The following DAAM1 variants were observed in gnomAD, a reference collection of about 807,000 sequenced individuals.
DAAM1 encodes disheveled-associated activator of morphogenesis 1.
A neutral mutation model predicts 130.0 loss-of-function variants in DAAM1; 52 were observed. That is an observed-to-expected ratio of 0.40 (90% CI 0.32 to 0.50). DAAM1 has a LOEUF of 0.50. DAAM1 is among the 20% of genes least tolerant of loss of function. The pLI is 0.61. For synonymous variants in DAAM1, 452 were observed against 444.5 expected (o/e 1.02, Z -0.21); for missense variants, 1,134 against 1,303.8 (o/e 0.87, Z 2.01).
intron 2 of DAAM1, among the ~76,000 whole-genome samples, chr14:59,282,191 A>G (rs1883252025): frequency 6.6e-6 from 1 of 151,948 alleles, no homozygotes; most frequent in African/African-American, 2.4e-5. Flanking sequence ...TCATAATGGA[A>G]TTTTCCGTAA....
intron 1 of DAAM1, among the ~76,000 whole-genome samples, chr14:59,231,285 A>G (rs1234757639): frequency 6.6e-6 from 1 of 152,202 alleles, no homozygotes; most frequent in Non-Finnish European, 1.5e-5. Context: ...AACATCTTAT[A>G]TTTCCCCACC....
At chr14:59,326,139 C>A in intron 10 of DAAM1, 62 bp downstream of exon 10, 1 of 1,483,396 alleles carries the variant, frequency 6.7e-7, no homozygotes. Flanking sequence ...CTAATGGGTT[C>A]TGGCTCCTGC....
At chr14:59,210,239 A>G (rs1229601855) in intron 1 of DAAM1, among the ~76,000 whole-genome samples, 3 of 152,224 alleles carry the variant, frequency 2.0e-5, no homozygotes, top group Non-Finnish European at 2.9e-5. Context: ...AGCATTTTTC[A>G]CTTCACCATT....
intron 2 of DAAM1, 106 bp from the exon 3 acceptor site, chr14:59,291,111 T>C (rs938432421): frequency 1.4e-5 from 12 of 858,260 alleles, no homozygotes; most frequent in Non-Finnish European, 2.1e-5. Flanking sequence ...TTCATTTAAA[T>C]ATGTGTTTGT....
At chr14:59,218,649 T>G (rs1225835223) in intron 1 of DAAM1, among the ~76,000 whole-genome samples, 3 of 152,208 alleles carry the variant, frequency 2.0e-5, no homozygotes, top group Non-Finnish European at 4.4e-5. Context: ...AAGATTAGAT[T>G]ATCACTATTA....
chr14:59,328,171 T>C (rs934514046), intron 12 of DAAM1, among the ~76,000 whole-genome samples: 2 of 152,214 alleles, frequency 1.3e-5, no homozygotes, highest in African/African-American at 4.8e-5. Context: ...ACATTTCCAC[T>C]GAGCAGAAAA....
chr14:59,280,306 A>G (rs1408975708), intron 2 of DAAM1, among the ~76,000 whole-genome samples: 5 of 152,156 alleles, frequency 3.3e-5, no homozygotes, highest in Admixed American at 1.3e-4. Flanking sequence ...GCCATGGCCC[A>G]TGCCTGTAAT....
chr14:59,248,306 ATGTTTTGTTTTGTTT>A (rs6145363), intron 1 of DAAM1, among the ~76,000 whole-genome samples: 28,849 of 150,236 alleles, frequency 0.19, 3,289 homozygotes, highest in Non-Finnish European at 0.25. Context: ...CTGTGGAATG[ATGTTTTGTTTTGTTT>A]TGTTTTGTTT....
At chr14:59,327,718 A>G (rs1885269412) in intron 12 of DAAM1, among the ~76,000 whole-genome samples, 1 of 152,088 alleles carries the variant, frequency 6.6e-6, no homozygotes, top group Non-Finnish European at 1.5e-5. Flanking sequence ...ACTTGGTTTC[A>G]ATAACCCAAT....
chr14:59,332,496 C>T (rs548212947), intron 15 of DAAM1, among the ~76,000 whole-genome samples: 2 of 152,180 alleles, frequency 1.3e-5, no homozygotes, highest in Non-Finnish European at 2.9e-5. Context: ...GCAAATAGGA[C>T]CAGAGACGCT....
intron 17 of DAAM1, among the ~76,000 whole-genome samples, chr14:59,349,083 T>C (rs1421341897): frequency 6.6e-6 from 1 of 152,268 alleles, no homozygotes; most frequent in Non-Finnish European, 1.5e-5. Context: ...CCTCCCTTGC[T>C]GTAGACCAGT....
chr14:59,331,854 A>G lies in DAAM1; in HGVS notation c.1902A>G (p.Thr634=), dbSNP rs774562764. Residue 634 remains threonine (T), a synonymous_variant, in exon 15 of 25, where the codon ACA becomes ACG. Transcript: ENST00000360909. Reference sequence around the variant, plus strand: ...CAGTATGGACCGAAATTGATGATACAAAAGTCTTCAAAATTCTAGATCTTG... The same window carrying G: ...CAGTATGGACCGAAATTGATGATACGAAAGTCTTCAAAATTCTAGATCTTG... ...EGTVWTEIDD[T]KVFKILDLED... is the part of the protein sequence containing the mutation. 5.6e-6 allele frequency: 9 copies of G among 1,614,208 alleles called. 1 individual carries two copies. In the South Asian group the frequency reaches 9.9e-5, roughly 18 times the overall value.
chr14:59,225,031 T>TG (rs1380865584), intron 1 of DAAM1, among the ~76,000 whole-genome samples: 9 of 140,398 alleles, frequency 6.4e-5, no homozygotes, highest in African/African-American at 2.2e-4. Flanking sequence ...TTTTTTTTTT[T>TG]TTTTTTTTTT....
chr14:59,350,824 C>T (rs536355908), intron 17 of DAAM1, among the ~76,000 whole-genome samples: 4 of 152,210 alleles, frequency 2.6e-5, no homozygotes, highest in Non-Finnish European at 4.4e-5. Context: ...CTTGTCCTGG[C>T]GCCTTGAATG....
chr14:59,325,149 A>G (rs1016401198), intron 8 of DAAM1, among the ~76,000 whole-genome samples: 2 of 152,074 alleles, frequency 1.3e-5, no homozygotes, highest in Admixed American at 6.5e-5. Context: ...TGTTCTAACC[A>G]CTGTGTGTAC....
At chr14:59,330,881 C>A (rs1885402495) in intron 13 of DAAM1, among the ~76,000 whole-genome samples, 193 bp downstream of exon 13, 1 of 152,206 alleles carries the variant, frequency 6.6e-6, no homozygotes, top group Non-Finnish European at 1.5e-5. Context: ...TTTTTAAATA[C>A]TGTACAAATC....
chr14:59,308,425 C>T (rs896869920), intron 3 of DAAM1, among the ~76,000 whole-genome samples: 2 of 152,124 alleles, frequency 1.3e-5, no homozygotes, highest in African/African-American at 4.8e-5. Context: ...AGAGATTAAA[C>T]TTATTCCATG....
At chr14:59,293,134 A>C (rs1330876641) in intron 3 of DAAM1, among the ~76,000 whole-genome samples, 1 of 152,184 alleles carries the variant, frequency 6.6e-6, no homozygotes, top group East Asian at 1.9e-4. Context: ...ATCCTAGTGT[A>C]GATTCTTTCT....
intron 3 of DAAM1, among the ~76,000 whole-genome samples, chr14:59,312,001 T>C (rs1884617336): frequency 6.6e-6 from 1 of 152,154 alleles, no homozygotes; most frequent in Non-Finnish European, 1.5e-5. Flanking sequence ...ACCTAGCCCC[T>C]CTCTATATAT....
Sources: gnomAD v4.1 joint callset for allele counts (sites outside exome capture counted in the v4.1 genomes callset) on GRCh38, gnomAD v4.1.1 for gene constraint, MANE v1.5 for transcripts, NCBI Gene and HGNC (gene_info 2026-07-23, HGNC 2026-07-21) for gene names.